The following SLC24A3 variants were observed in gnomAD, a reference collection of about 807,000 sequenced individuals.
The protein encoded by SLC24A3 is solute carrier family 24 member 3.
SLC24A3 carries 28 observed loss-of-function variants against 75.8 expected under a neutral mutation model. The ratio of observed to expected loss-of-function variants is 0.37; its 90% CI spans 0.27 to 0.51. The LOEUF is 0.51. Among genes scored for constraint, SLC24A3 ranks in the 20% least tolerant of loss-of-function variants. The pLI, the probability that SLC24A3 is intolerant of heterozygous loss-of-function variation, is 0.94. For missense variants in SLC24A3, 663 were observed against 847.8 expected (o/e 0.78, Z 2.71); for synonymous variants, 372 against 334.1 (o/e 1.11, Z -1.24).
chr20:19,439,819 C>T (rs1280430526), intron 2 of SLC24A3, among the ~76,000 whole-genome samples: 1 of 152,178 alleles, frequency 6.6e-6, no homozygotes, highest in Non-Finnish European at 1.5e-5. Flanking sequence ...AACACGGTCT[C>T]TCCGTGTAGA....
intron 2 of SLC24A3, among the ~76,000 whole-genome samples, chr20:19,480,049 A>G (rs372216785): frequency 6.6e-6 from 1 of 152,236 alleles, no homozygotes; most frequent in African/African-American, 2.4e-5. Flanking sequence ...AATCCAGGAA[A>G]TGCATATGAG....
chr20:19,721,300 C>T lies in SLC24A3; in HGVS notation c.*160C>T. On this transcript the variant is annotated 3_prime_UTR_variant, in exon 17 of 17. Transcript: ENST00000328041. ...TTTGGTGGCCCAGGCTCTCCCCTGA[C>T]CCATCCTCGCTCCCCCACCTCCTTG... The T allele has an allele frequency of 1.3e-6, 1 of 769,258 alleles. No individual in the cohort carries two copies. The highest frequency in any genetic ancestry group is 2.0e-6 in the Non-Finnish European group (1 of 496,950). The allele number at this position is 769,258 out of a possible 1,614,324, so 47.7% of individuals were successfully genotyped here.
In SLC24A3 at chr20:19,346,189, TATATATATATG is replaced by T. The variant is rs1263652388; in HGVS notation, c.271+65103_271+65113del. The stretch of plus-strand genomic sequence containing the variant: ...ATATATGGTATATATATATGGTGTA[TATATATATATG>T]GTATATATATATGGTGTATATGTAT... On this transcript the variant is annotated intron_variant, in intron 2 of 16. Transcript: ENST00000328041. Among the ~76,000 whole-genome samples the T allele has an allele frequency of 4.0e-5, 4 of 100,596 alleles. 1 individual carries two copies. The highest frequency in any genetic ancestry group is 7.9e-5 in the Non-Finnish European group (4 of 50,620). The allele number at this position is 100,596 out of a possible 152,430, so 66.0% of individuals were successfully genotyped here.
intron 6 of SLC24A3, among the ~76,000 whole-genome samples, chr20:19,619,263 C>T (rs2031774776): frequency 6.6e-6 from 1 of 152,072 alleles, no homozygotes; most frequent in Admixed American, 6.5e-5. Flanking sequence ...TTTCTTGGGA[C>T]ATTGATCTTT....
intron 15 of SLC24A3, among the ~76,000 whole-genome samples, chr20:19,702,805 A>T (rs779513393): frequency 7.2e-5 from 11 of 152,302 alleles, no homozygotes; most frequent in Admixed American, 2.6e-4. Flanking sequence ...ACATAGATAT[A>T]TAGTTGTTTC....
At chr20:19,704,310 A>T (rs953685103) in intron 15 of SLC24A3, among the ~76,000 whole-genome samples, 6 of 152,222 alleles carry the variant, frequency 3.9e-5, no homozygotes, top group Admixed American at 3.3e-4. Flanking sequence ...GCTAGAATTC[A>T]CTGAGCATCT....
At chr20:19,629,600 A>C (rs1435980432) in intron 6 of SLC24A3, among the ~76,000 whole-genome samples, 3 of 152,242 alleles carry the variant, frequency 2.0e-5, no homozygotes, top group African/African-American at 7.2e-5. Context: ...TTGCCATCAA[A>C]CACACTATCA....
chr20:19,501,412 C>T (rs1463784200), intron 2 of SLC24A3, among the ~76,000 whole-genome samples: 2 of 152,176 alleles, frequency 1.3e-5, no homozygotes, highest in Non-Finnish European at 2.9e-5. Context: ...CATAAAGCTT[C>T]ACAAGTTTCT....
chr20:19,391,512 C>T (rs1986365599), intron 2 of SLC24A3, among the ~76,000 whole-genome samples: 1 of 152,164 alleles, frequency 6.6e-6, no homozygotes, highest in Non-Finnish European at 1.5e-5. Context: ...CCATATCCAG[C>T]AGGCCACATC....
chr20:19,307,932 A>C (rs1174808244), intron 2 of SLC24A3, among the ~76,000 whole-genome samples: 1 of 152,228 alleles, frequency 6.6e-6, no homozygotes. Context: ...AAGCTAACTC[A>C]GCACAGGAGG....
intron 2 of SLC24A3, among the ~76,000 whole-genome samples, chr20:19,475,829 G>A (rs1484845520): frequency 1.3e-5 from 2 of 152,144 alleles, no homozygotes; most frequent in Non-Finnish European, 2.9e-5. Context: ...CTGATGGAGA[G>A]CAACAAAGAA....
In SLC24A3 at chr20:19,584,991, T is replaced by C. The variant is rs142954043; in HGVS notation, c.444T>C (p.Asp148=). 4.3e-5 allele frequency: 70 copies of C among 1,613,910 alleles called. No homozygotes were observed. The African/African-American group carries it at 8.1e-4, about 19-fold the overall frequency. The change falls in exon 5 of 17, where the codon GAT becomes GAC. Residue 148 remains aspartate (D), a synonymous_variant. Transcript: ENST00000328041. ...KICERLHLSE[D]VAGATFMAAG... ...TGTAGCGCCTGCACCTCAGTGAAGA[T>C]GTGGCTGGGGCCACATTCATGGCAG...
intron 1 of SLC24A3, among the ~76,000 whole-genome samples, chr20:19,226,237 C>T (rs1012802069): frequency 5.3e-5 from 8 of 152,228 alleles, no homozygotes; most frequent in African/African-American, 1.7e-4. Context: ...TTTTCAAATA[C>T]GGAATCAGCC....
intron 6 of SLC24A3, among the ~76,000 whole-genome samples, chr20:19,633,239 G>A (rs2031956014): frequency 6.6e-6 from 1 of 152,158 alleles, no homozygotes. Context: ...TCAATGTATT[G>A]GCAGAGTTTA....
intron 2 of SLC24A3, among the ~76,000 whole-genome samples, chr20:19,363,688 T>C (rs1262179607): frequency 6.6e-6 from 1 of 152,182 alleles, no homozygotes. Flanking sequence ...GGCTTATTGT[T>C]TTTAGAGCAT....
At chr20:19,269,259 C>T (rs933314825) in intron 1 of SLC24A3, among the ~76,000 whole-genome samples, 10 of 152,222 alleles carry the variant, frequency 6.6e-5, no homozygotes, top group African/African-American at 2.2e-4. Context: ...TTTTGGACTG[C>T]ACAGACCTAG....
intron 2 of SLC24A3, among the ~76,000 whole-genome samples, chr20:19,424,562 G>A (rs1489361489): frequency 6.6e-6 from 1 of 151,854 alleles, no homozygotes; most frequent in East Asian, 1.9e-4. Flanking sequence ...GTAGTGGTGT[G>A]TGCCTGTAAT....
chr20:19,515,573 C>G lies in SLC24A3; in HGVS notation c.348+9C>G. On this transcript the variant is annotated intron_variant, in intron 3 of 16. Transcript: ENST00000328041. The stretch of plus-strand genomic sequence containing the variant: ...TCCTCCATGTGCTCTGTGTAAGTAC[C>G]CCTCTGTGCCTCTGCCTGGAGGGTC... The G allele has an allele frequency of 1.9e-6, 3 of 1,613,996 alleles. No individual in the cohort carries two copies. Among genetic ancestry groups the G allele is most frequent in the Non-Finnish European group, 2.5e-6 (3 of 1,179,906 alleles).
At chr20:19,567,464 A>G (rs1447570536) in intron 3 of SLC24A3, among the ~76,000 whole-genome samples, 2 of 152,198 alleles carry the variant, frequency 1.3e-5, no homozygotes, top group East Asian at 1.9e-4. Flanking sequence ...CTGAGTACAC[A>G]TGGACACAAA....
Sources: gnomAD v4.1 joint callset for allele counts (sites outside exome capture counted in the v4.1 genomes callset) on GRCh38, gnomAD v4.1.1 for gene constraint, MANE v1.5 for transcripts, NCBI Gene and HGNC (gene_info 2026-07-23, HGNC 2026-07-21) for gene names.